Variants in CPD observed in about 807,000 individuals in gnomAD.
The protein encoded by CPD is metallocarboxypeptidase D.
In CPD, 69 loss-of-function variants were observed where a neutral mutation model predicts 138.3. That is an observed-to-expected ratio of 0.50 (90% CI 0.41 to 0.61). The LOEUF (loss-of-function observed/expected upper bound fraction) is 0.61. Among genes scored for constraint, CPD ranks in the 20% least tolerant of loss-of-function variants. CPD has a pLI of 0.00. For synonymous variants in CPD, 651 were observed against 642.1 expected (o/e 1.01, Z -0.21); for missense variants, 1,432 against 1,733.3 (o/e 0.83, Z 3.09).
At chr17:30,424,101 G>A (rs1912339259) in intron 6 of CPD, among the ~76,000 whole-genome samples, 1 of 152,154 alleles carries the variant, frequency 6.6e-6, no homozygotes, top group South Asian at 2.1e-4. Flanking sequence ...AGGGTAGTCA[G>A]GGTGCAGCTT....
At chr17:30,400,331 C>G (rs896341751) in intron 2 of CPD, among the ~76,000 whole-genome samples, 2 of 152,130 alleles carry the variant, frequency 1.3e-5, no homozygotes, top group Non-Finnish European at 2.9e-5. Context: ...ATGTACGAAC[C>G]TACCCACCAT....
At chr17:30,446,893 C>T (rs1052807448) in intron 12 of CPD, among the ~76,000 whole-genome samples, 4 of 152,136 alleles carry the variant, frequency 2.6e-5, no homozygotes, top group African/African-American at 9.7e-5. Context: ...TGGTATCTCA[C>T]TGTGGTTTTG....
At chr17:30,443,007 GT>G (rs11394991) in intron 10 of CPD, among the ~76,000 whole-genome samples, 4 of 151,536 alleles carry the variant, frequency 2.6e-5, no homozygotes, top group Non-Finnish European at 5.9e-5. Context: ...AAGTCTGTGA[GT>G]TTTTTTTACT....
chr17:30,422,873 C>T lies in CPD; in HGVS notation c.1507C>T (p.His503Tyr). Residue 503 changes from histidine (H) to tyrosine (Y), a missense_variant, in exon 5 of 21, where the codon CAC becomes TAC. This residue lies in a region of CPD where 160 missense variants were observed against 197.9 expected (regional missense o/e 0.81). Transcript: ENST00000225719. ...GCCAATTCAGCCAAAGGACTTTCAC[C>T]ACCACCATTTCCCTGATATGGAAAT... ...YQPIQPKDFH[H>Y]HHFPDMEIFL... 1 of 1,614,112 alleles carries T rather than the reference C, an allele frequency of 6.2e-7. No individual in the cohort carries two copies. Among genetic ancestry groups the T allele is most frequent in the Middle Eastern group, 1.7e-4 (1 of 6,060 alleles).
intron 2 of CPD, among the ~76,000 whole-genome samples, chr17:30,401,650 A>G (rs558442682): frequency 6.6e-6 from 1 of 151,792 alleles, no homozygotes; most frequent in East Asian, 1.9e-4. Context: ...CACCTGGCTT[A>G]TTTTTTTGTA....
rs1567883858 is a variant in CPD at position 30,455,330 on chromosome 17, CT to C, written c.3206-3del. The C allele has an allele frequency of 2.5e-6, 4 of 1,589,116 alleles. No homozygotes were observed. Among genetic ancestry groups the C allele is most frequent in the Non-Finnish European group, 2.6e-6 (3 of 1,171,014 alleles). On this transcript the variant is annotated splice_polypyrimidine_tract_variant and splice_region_variant and intron_variant, in intron 14 of 20. Transcript: ENST00000225719. ...TTGATATTTTATATTTGACTTTTCT[CT>C]TTTTTAGATAATGCCTCCCAACCTG...
At chr17:30,414,420 A>G (rs1912050226) in intron 2 of CPD, among the ~76,000 whole-genome samples, 1 of 152,020 alleles carries the variant, frequency 6.6e-6, no homozygotes, top group Non-Finnish European at 1.5e-5. Context: ...CTAAAAATAC[A>G]AAAATACAAA....
chr17:30,469,388 C>G lies in CPD; in HGVS notation c.*4574C>G, dbSNP rs543233822. 1 of 152,166 alleles carries G rather than the reference C, an allele frequency of 6.6e-6. No individual in the cohort carries two copies. The highest frequency in any genetic ancestry group is 1.5e-5 in the Non-Finnish European group (1 of 68,028). 9.4% of individuals were successfully genotyped at this position (152,166 alleles called of 1,614,324 possible). A position where few individuals can be genotyped will look rare whatever the true frequency, so the allele number is the denominator to read the frequency against. On this transcript the variant is annotated 3_prime_UTR_variant, in exon 21 of 21. Coordinates refer to ENST00000225719, the MANE Select transcript of CPD (RefSeq NM_001304.5). ...GACCTTGTACAAGTTTCTTGACATT[C>G]TCTGAGCCTCAGTTTCTCTACTGGT...
chr17:30,422,977 A>G lies in CPD; in HGVS notation c.1611A>G (p.Glu537=), dbSNP rs756958383. 2 of 1,613,930 alleles carry G rather than the reference A, an allele frequency of 1.2e-6. No homozygotes were observed. The highest frequency in any genetic ancestry group is 1.7e-4 in the Middle Eastern group (1 of 6,060). ...YSLGKSVESR[E]LYVMEISDNP... Reference sequence around the variant, plus strand: ...TGGGAAAATCAGTAGAGTCAAGAGAACTTTATGTGATGGAGATATCTGATA... The same window carrying G: ...TGGGAAAATCAGTAGAGTCAAGAGAGCTTTATGTGATGGAGATATCTGATA... The change falls in exon 5 of 21, where the codon GAA becomes GAG. Residue 537 remains glutamate, a synonymous_variant. Transcript: ENST00000225719.
intron 12 of CPD, among the ~76,000 whole-genome samples, chr17:30,448,724 T>C (rs999199998): frequency 3.9e-5 from 6 of 152,178 alleles, no homozygotes; most frequent in Admixed American, 6.5e-5. Context: ...AGTATTTTTT[T>C]CCCCACTCAA....
At chr17:30,425,649 C>CT (rs1483227663) in intron 6 of CPD, among the ~76,000 whole-genome samples, 1 of 100,178 alleles carries the variant, frequency 1.0e-5, no homozygotes, top group East Asian at 3.0e-4. Context: ...GAGTGAGACT[C>CT]TGTCTCAAAA....
chr17:30,421,849 A>G lies in CPD; in HGVS notation c.1307+16A>G. ...TTTTAACTGGGTAAGAATTTAAACT[A>G]TGTAGACTCTTAGTTAAAATGTCAA... is the stretch of plus-strand genomic sequence containing the variant. On this transcript the variant is annotated intron_variant, in intron 4 of 20. Transcript: ENST00000225719. The G allele has an allele frequency of 1.3e-6, 2 of 1,572,296 alleles. No homozygotes were observed. The highest frequency in any genetic ancestry group is 1.7e-6 in the Non-Finnish European group (2 of 1,144,158).
At chr17:30,444,018 G>T in intron 11 of CPD, 47 bp downstream of exon 11, 1 of 1,589,536 alleles carries the variant, frequency 6.3e-7, no homozygotes, top group South Asian at 1.1e-5. Flanking sequence ...GGACAAACAT[G>T]GCTCCATTCT....
intron 8 of CPD, among the ~76,000 whole-genome samples, chr17:30,433,472 T>C (rs1007926194): frequency 6.6e-6 from 1 of 152,226 alleles, no homozygotes; most frequent in Non-Finnish European, 1.5e-5. Flanking sequence ...ACATACCTTT[T>C]CAATGATTCT....
chr17:30,379,715 C>A lies in CPD; in HGVS notation c.735C>A (p.Ile245=). 6.7e-7 allele frequency: 1 copy of A among 1,494,722 alleles called. No homozygotes were observed. The highest frequency in any genetic ancestry group is 8.8e-7 in the Non-Finnish European group (1 of 1,140,556). The allele number at this position is 1,494,722 out of a possible 1,614,324, so 92.6% of individuals were successfully genotyped here. A position where few individuals can be genotyped will look rare whatever the true frequency, so the allele number is the denominator to read the frequency against. ...AGGTGCGCGCCCTCATCGAGTGGAT[C>A]CGCAGGAACAAGTGAGTGTTGCCTG... ...VPEVRALIEW[I]RRNKFVLSGN... is the part of the protein sequence containing the mutation. Residue 245 remains isoleucine, a synonymous_variant, in exon 1 of 21, where the codon ATC becomes ATA. Coordinates refer to ENST00000225719, the MANE Select transcript of CPD (RefSeq NM_001304.5). The surrounding 1 kb of genome is among the most constrained non-coding windows in gnomAD (Gnocchi z 7.0).
chr17:30,431,611 C>G (rs766019922), intron 7 of CPD, among the ~76,000 whole-genome samples, 161 bp from the exon 8 acceptor site: 2 of 152,118 alleles, frequency 1.3e-5, no homozygotes, highest in African/African-American at 4.8e-5. Flanking sequence ...CACTTATTCA[C>G]TTTGAATTGA....
Position 30,464,841 on chromosome 17 carries a change from A to C in CPD, c.*27A>C, listed in dbSNP as rs773353136. 1.9e-6 allele frequency: 3 copies of C among 1,575,558 alleles called. No individual in the cohort carries two copies. The highest frequency in any genetic ancestry group is 1.7e-6 in the Non-Finnish European group (2 of 1,146,798). Reference sequence around the variant, plus strand: ...AAACACATTTTGCATATCTCCCAGCATAAGTACCAAGCAAAATTACAGTTC... The same window carrying C: ...AAACACATTTTGCATATCTCCCAGCCTAAGTACCAAGCAAAATTACAGTTC... On this transcript the variant is annotated 3_prime_UTR_variant, in exon 21 of 21. Transcript: ENST00000225719.
intron 2 of CPD, among the ~76,000 whole-genome samples, chr17:30,393,514 T>C (rs1911412288): frequency 6.6e-6 from 1 of 152,184 alleles, no homozygotes; most frequent in Non-Finnish European, 1.5e-5. Flanking sequence ...ATATCTGATA[T>C]TAAGAAACAG....
At chr17:30,446,906 T>A (rs1381425524) in intron 12 of CPD, among the ~76,000 whole-genome samples, 1 of 152,248 alleles carries the variant, frequency 6.6e-6, no homozygotes, top group Non-Finnish European at 1.5e-5. Context: ...TGGTTTTGAT[T>A]TGCATTCTCT....
Sources: gnomAD v4.1 joint callset for allele counts (sites outside exome capture counted in the v4.1 genomes callset) on GRCh38, gnomAD v4.1.1 for gene constraint, gnomAD v4.1.1 regional missense constraint, Gnocchi (gnomAD v3.1) non-coding constraint, MANE v1.5 for transcripts, NCBI Gene and HGNC (gene_info 2026-07-23, HGNC 2026-07-21) for gene names.